The following MAPK8IP3 variants were observed in gnomAD, a reference collection of about 807,000 sequenced individuals.
MAPK8IP3 encodes mitogen-activated protein kinase 8 interacting protein 3, also known as C-Jun-amino-terminal kinase-interacting protein 3.
MAPK8IP3 carries 49 observed loss-of-function variants against 157.8 expected under a neutral mutation model. The observed-to-expected ratio is 0.31, with a 90% CI of 0.25 to 0.39. The LOEUF (loss-of-function observed/expected upper bound fraction) is 0.39, where lower values mean the gene tolerates loss of function less well. Ranked by LOEUF, MAPK8IP3 falls within the 10% of genes least tolerant of loss-of-function variation. MAPK8IP3 has a pLI of 1.00. For synonymous variants in MAPK8IP3, 897 were observed against 777.7 expected (o/e 1.15, Z -2.55); for missense variants, 1,478 against 1,889.4 (o/e 0.78, Z 4.04).
At chr16:1,722,305 G>A (rs912021912) in intron 1 of MAPK8IP3, among the ~76,000 whole-genome samples, 7 of 152,074 alleles carry the variant, frequency 4.6e-5, no homozygotes, top group African/African-American at 7.2e-5. Flanking sequence ...TGCCCCTCCC[G>A]CCTCTGTGGT....
At chr16:1,750,648 ATT>A (rs11320517) in intron 8 of MAPK8IP3, among the ~76,000 whole-genome samples, 6 of 145,626 alleles carry the variant, frequency 4.1e-5, no homozygotes, top group Non-Finnish European at 4.6e-5. Flanking sequence ...TGCTATAATG[ATT>A]TTTTTTTTTT....
At chr16:1,763,976 G>T in intron 17 of MAPK8IP3, 139 bp from the exon 18 acceptor site, 1 of 1,069,942 alleles carries the variant, frequency 9.3e-7, no homozygotes, top group Non-Finnish European at 1.3e-6. Flanking sequence ...AAGGAGCCCC[G>T]CGGCTCCCAC....
chr16:1,761,244 T>C lies in MAPK8IP3; in HGVS notation c.1478T>C (p.Ile493Thr), dbSNP rs756869211. Reference sequence around the variant, plus strand: ...CACAGAGTGAAGTCCGAGGCCATCATCGCCCGCCGTGAACCCAAAGAAGAG... The same window carrying C: ...CACAGAGTGAAGTCCGAGGCCATCACCGCCCGCCGTGAACCCAAAGAAGAG... ...ELKRVKSEAIIARREPKEEAE... is the reference protein window; with the variant it reads ...ELKRVKSEAITARREPKEEAE... The change falls in exon 13 of 32, where the codon ATC (isoleucine) becomes ACC (threonine). Residue 493 changes from isoleucine (I) to threonine (T), a missense_variant. This residue lies in a region of MAPK8IP3 where 96 missense variants were observed against 106.3 expected (regional missense o/e 0.90). Coordinates refer to ENST00000610761, the MANE Select transcript of MAPK8IP3 (RefSeq NM_001318852.2). 2 of 1,613,490 alleles carry C rather than the reference T, an allele frequency of 1.2e-6. No individual in the cohort carries two copies. Among genetic ancestry groups the C allele is most frequent in the African/African-American group, 2.7e-5 (2 of 74,914 alleles).
chr16:1,760,334 C>G (rs910467965), intron 11 of MAPK8IP3, 46 bp from the exon 12 acceptor site: 1 of 1,583,572 alleles, frequency 6.3e-7, no homozygotes, highest in Admixed American at 1.7e-5. Context: ...CTTCACGTAC[C>G]TGTATGCCGC....
Position 1,737,521 on chromosome 16 carries a change from TGTGA to T in MAPK8IP3, c.603-5807_603-5804del, listed in dbSNP as rs1327659321. On this transcript the variant is annotated intron_variant, in intron 4 of 31. Coordinates refer to ENST00000610761, the MANE Select transcript of MAPK8IP3 (RefSeq NM_001318852.2). The stretch of plus-strand genomic sequence containing the variant: ...GTCCGTGTGAGCGTGTGACCGTCCG[TGTGA>T]GTGTGTGACCATTCGTGTGAGAGTG... Among the ~76,000 whole-genome samples the T allele has an allele frequency of 3.3e-4, 32 of 96,146 alleles. 1 individual carries two copies. The highest frequency in any genetic ancestry group is 5.9e-4 in the South Asian group (1 of 1,706). 63.1% of individuals were successfully genotyped at this position (96,146 alleles called of 152,430 possible). A position where few individuals can be genotyped will look rare whatever the true frequency, so the allele number is the denominator to read the frequency against.
At chr16:1,722,194 T>C (rs976374446) in intron 1 of MAPK8IP3, among the ~76,000 whole-genome samples, 1 of 152,240 alleles carries the variant, frequency 6.6e-6, no homozygotes, top group Admixed American at 6.5e-5. Flanking sequence ...AAAAAAGTCA[T>C]GCATTTTCTC....
chr16:1,726,486 G>C (rs1296983347), intron 2 of MAPK8IP3, among the ~76,000 whole-genome samples: 2 of 152,092 alleles, frequency 1.3e-5, no homozygotes, highest in Non-Finnish European at 2.9e-5. Flanking sequence ...ACCAGCCTGG[G>C]CAACCTGGTG....
intron 1 of MAPK8IP3, chr16:1,714,048 A>G (rs2037970365): frequency 6.6e-6 from 1 of 152,116 alleles, no homozygotes; most frequent in African/African-American, 2.4e-5. Flanking sequence ...AGAGCTTTGC[A>G]TAATGGCCTC....
intron 1 of MAPK8IP3, among the ~76,000 whole-genome samples, chr16:1,713,238 C>T (rs1421705911): frequency 2.0e-5 from 3 of 151,848 alleles, no homozygotes; most frequent in African/African-American, 7.3e-5. Flanking sequence ...AACTGAGGAA[C>T]TGGATTTTTA....
intron 4 of MAPK8IP3, among the ~76,000 whole-genome samples, chr16:1,730,608 GCA>G (rs1207824791): frequency 1.3e-5 from 2 of 151,974 alleles, no homozygotes; most frequent in Non-Finnish European, 2.9e-5. Context: ...CTTTGGGAGG[GCA>G]AGGAGGGCGG....
At chr16:1,754,659 T>A (rs2041489698) in intron 8 of MAPK8IP3, among the ~76,000 whole-genome samples, 1 of 151,488 alleles carries the variant, frequency 6.6e-6, no homozygotes, top group South Asian at 2.1e-4. Flanking sequence ...TAGTCCCAGC[T>A]ACTCAGGAGG....
In MAPK8IP3 at chr16:1,765,884, C is replaced by T; in HGVS notation, c.2447-76C>T. On this transcript the variant is annotated intron_variant, in intron 20 of 31. Transcript: ENST00000610761. ...GAAGGCCAGCCCCGGCTTCCTCTGCCCCTGTGTAAGTGCTGGGCACGCCCT... is the reference window on the plus strand; with the variant it reads ...GAAGGCCAGCCCCGGCTTCCTCTGCTCCTGTGTAAGTGCTGGGCACGCCCT... The T allele has an allele frequency of 3.7e-6, 5 of 1,366,868 alleles. 1 individual carries two copies. In the South Asian group the frequency reaches 6.8e-5, roughly 19 times the overall value. The allele number at this position is 1,366,868 out of a possible 1,614,324, so 84.7% of individuals were successfully genotyped here. A position where few individuals can be genotyped will look rare whatever the true frequency, so the allele number is the denominator to read the frequency against.
chr16:1,738,972 G>T (rs371627578), intron 4 of MAPK8IP3, among the ~76,000 whole-genome samples: 1 of 137,930 alleles, frequency 7.3e-6, no homozygotes, highest in Admixed American at 7.5e-5. Flanking sequence ...CTGTGTGACC[G>T]TCCGTGTGAG....
intron 1 of MAPK8IP3, among the ~76,000 whole-genome samples, chr16:1,715,426 C>G (rs2038082620): frequency 6.6e-6 from 1 of 152,192 alleles, no homozygotes; most frequent in Non-Finnish European, 1.5e-5. Context: ...TGCCCCCTGC[C>G]AGCCCAGGGT....
chr16:1,714,664 A>G (rs571697056), intron 1 of MAPK8IP3, among the ~76,000 whole-genome samples: 34 of 152,240 alleles, frequency 2.2e-4, no homozygotes, highest in Non-Finnish European at 3.5e-4. Context: ...TCTCCCCAGG[A>G]AATGAATTCC....
At chr16:1,712,795 G>A (rs559864311) in intron 1 of MAPK8IP3, among the ~76,000 whole-genome samples, 16 of 152,242 alleles carry the variant, frequency 1.1e-4, no homozygotes, top group Admixed American at 5.2e-4. Context: ...GCTAGTTCCC[G>A]TCTCTGCCGG....
chr16:1,764,861 C>T (rs757080539), intron 19 of MAPK8IP3, 152 bp from the exon 20 acceptor site: 40 of 721,398 alleles, frequency 5.5e-5, no homozygotes, highest in African/African-American at 3.4e-4. Context: ...GTCCTGAGTC[C>T]GCATTGTTCT....
chr16:1,748,166 G>T, intron 6 of MAPK8IP3, 78 bp from the exon 7 acceptor site: 1 of 1,100,854 alleles, frequency 9.1e-7, no homozygotes, highest in Non-Finnish European at 1.4e-6. Flanking sequence ...CCAGACTCAG[G>T]TTCCGAGGGC....
At chr16:1,729,713 G>A in intron 4 of MAPK8IP3, 135 bp downstream of exon 4, 1 of 840,504 alleles carries the variant, frequency 1.2e-6, no homozygotes, top group Non-Finnish European at 1.9e-6. Context: ...ACACTCTGGA[G>A]ACCCAGGAGG....
Sources: allele counts gnomAD v4.1 joint callset (sites outside exome capture counted in the v4.1 genomes callset), GRCh38; gene constraint gnomAD v4.1.1; regional missense constraint gnomAD v4.1.1; transcripts MANE v1.5; gene names NCBI Gene and HGNC (gene_info 2026-07-23, HGNC 2026-07-21).